Variants in SVEP1 observed in about 807,000 individuals in gnomAD.
The protein encoded by SVEP1 is sushi, von Willebrand factor type A, EGF and pentraxin domain containing 1, also known as sushi, von Willebrand factor type A, EGF and pentraxin domain-containing protein 1.
Under a neutral mutation model 367.3 loss-of-function variants are expected in SVEP1, and 164 were observed. The observed-to-expected ratio is 0.45, with a 90% CI of 0.39 to 0.51. SVEP1 has a LOEUF of 0.51. Among genes scored for constraint, SVEP1 ranks in the 20% least tolerant of loss-of-function variants. The pLI is 0.00. For missense variants in SVEP1, 4,117 were observed against 4,425.3 expected (o/e 0.93, Z 1.98); for synonymous variants, 1,666 against 1,611.6 (o/e 1.03, Z -0.81).
intron 1 of SVEP1, among the ~76,000 whole-genome samples, chr9:110,551,470 G>A (rs1216602470): frequency 1.3e-5 from 2 of 152,136 alleles, no homozygotes; most frequent in East Asian, 3.9e-4. Flanking sequence ...TGGAAAGCCA[G>A]CAGTTTGAGA....
intron 1 of SVEP1, among the ~76,000 whole-genome samples, chr9:110,567,716 A>C (rs1189855977): frequency 6.6e-6 from 1 of 152,118 alleles, no homozygotes; most frequent in Non-Finnish European, 1.5e-5. Flanking sequence ...AATGTCACAT[A>C]CCCTTGCTTG....
intron 1 of SVEP1, among the ~76,000 whole-genome samples, chr9:110,575,798 C>T (rs375812858): frequency 2.0e-5 from 3 of 151,166 alleles, no homozygotes; most frequent in African/African-American, 7.3e-5. Context: ...AAGAGAGCCA[C>T]CCCCAGTTAA....
In SVEP1 at chr9:110,476,334, G is replaced by T. The variant is rs1251682606; in HGVS notation, c.2488-19C>A. On this transcript the variant is annotated intron_variant, in intron 13 of 47. Coordinates refer to ENST00000374469, the MANE Select transcript of SVEP1 (RefSeq NM_153366.4). ...ATGGGACCTGCAAGTAAAAAATGAA[G>T]AGGATAAAGTGTAAATCACTTTTCT... The T allele has an allele frequency of 6.4e-7, 1 of 1,571,262 alleles. No homozygotes were observed. The highest frequency in any genetic ancestry group is 1.3e-5 in the African/African-American group (1 of 74,134).
intron 1 of SVEP1, among the ~76,000 whole-genome samples, chr9:110,554,470 A>G (rs548743596): frequency 4.6e-5 from 7 of 152,120 alleles, no homozygotes; most frequent in Non-Finnish European, 1.0e-4. Flanking sequence ...ACTAAAAGGA[A>G]CCAGGAATTG....
At chr9:110,540,518 T>C (rs1453875785) in intron 3 of SVEP1, among the ~76,000 whole-genome samples, 1 of 152,150 alleles carries the variant, frequency 6.6e-6, no homozygotes, top group Non-Finnish European at 1.5e-5. Context: ...AAGAAAAGTA[T>C]TGATATCTGG....
At chr9:110,505,592 C>A (rs1829612282) in intron 5 of SVEP1, among the ~76,000 whole-genome samples, 3 of 152,090 alleles carry the variant, frequency 2.0e-5, no homozygotes. Context: ...ATTGTCTTCC[C>A]AGATCATTCT....
Position 110,366,396 on chromosome 9 carries a change from T to C in SVEP1, c.*143A>G. On this transcript the variant is annotated 3_prime_UTR_variant, in exon 48 of 48. Transcript: ENST00000374469. ...AGGAATAACAAAATATATCACAAAA[T>C]AAAAAAAGTAACCCCAAGTAACAAG... 1 of 724,746 alleles carries C rather than the reference T, an allele frequency of 1.4e-6. No individual in the cohort carries two copies. The highest frequency in any genetic ancestry group is 2.0e-6 in the Non-Finnish European group (1 of 497,086). The allele number at this position is 724,746 out of a possible 1,614,324, so 44.9% of individuals were successfully genotyped here. A position where few individuals can be genotyped will look rare whatever the true frequency, so the allele number is the denominator to read the frequency against.
At chr9:110,569,897 A>T (rs1462004286) in intron 1 of SVEP1, among the ~76,000 whole-genome samples, 2 of 152,218 alleles carry the variant, frequency 1.3e-5, no homozygotes, top group Non-Finnish European at 2.9e-5. Context: ...TTCTTGAATG[A>T]CTCTATGAGA....
chr9:110,375,283 T>G lies in SVEP1; in HGVS notation c.10600+85A>C. 3 of 670,450 alleles carry G rather than the reference T, an allele frequency of 4.5e-6. No individual in the cohort carries two copies. In the South Asian group the frequency reaches 7.9e-5, roughly 18 times the overall value. 41.5% of individuals were successfully genotyped at this position (670,450 alleles called of 1,614,324 possible). A position where few individuals can be genotyped will look rare whatever the true frequency, so the allele number is the denominator to read the frequency against. ...AGTACTTTTTCATTTTGCCACCACTTCTGAGTCTAAGTCACACTCTTCAAT... is the reference window on the plus strand; with the variant it reads ...AGTACTTTTTCATTTTGCCACCACTGCTGAGTCTAAGTCACACTCTTCAAT... On this transcript the variant is annotated intron_variant, in intron 46 of 47. Coordinates refer to ENST00000374469, the MANE Select transcript of SVEP1 (RefSeq NM_153366.4).
chr9:110,551,618 G>A (rs921009336), intron 1 of SVEP1, among the ~76,000 whole-genome samples: 1 of 152,104 alleles, frequency 6.6e-6, no homozygotes, highest in Non-Finnish European at 1.5e-5. Flanking sequence ...CGTTACTGGA[G>A]ACATTCCCCA....
chr9:110,395,653 G>A (rs1827746592), intron 40 of SVEP1, among the ~76,000 whole-genome samples: 1 of 151,760 alleles, frequency 6.6e-6, no homozygotes, highest in South Asian at 2.1e-4. Context: ...AAAGGATGGA[G>A]GAAGATCTAC....
intron 5 of SVEP1, among the ~76,000 whole-genome samples, chr9:110,505,363 T>C (rs2118759860): frequency 6.6e-6 from 1 of 152,318 alleles, no homozygotes; most frequent in South Asian, 2.1e-4. Context: ...GCTCTATAGT[T>C]ATCCCTCATC....
chr9:110,505,217 AT>A (rs1829605936), intron 5 of SVEP1, among the ~76,000 whole-genome samples: 1 of 152,040 alleles, frequency 6.6e-6, no homozygotes, highest in Non-Finnish European at 1.5e-5. Context: ...TTCCCCAACG[AT>A]GTCTGTGTTC....
intron 32 of SVEP1, among the ~76,000 whole-genome samples, chr9:110,430,730 T>G (rs1484243397): frequency 6.6e-6 from 1 of 152,216 alleles, no homozygotes. Context: ...AAAGTAGTGG[T>G]GGTGCTAGAG....
rs1037620760 is a variant in SVEP1 at position 110,496,898 on chromosome 9, T to C, written c.1717A>G (p.Ile573Val). ...EAPQINCPKDIEAKTLEQQDS... is the reference protein window; with the variant it reads ...EAPQINCPKDVEAKTLEQQDS... Reference sequence around the variant, plus strand: ...TGCTGTTCCAGAGTCTTAGCCTCTATGTCCTTAGGACAGTTGATTTGAGGA... The same window carrying C: ...TGCTGTTCCAGAGTCTTAGCCTCTACGTCCTTAGGACAGTTGATTTGAGGA... Residue 573 changes from isoleucine to valine, a missense_variant, in exon 8 of 48, where the codon ATA becomes GTA. Transcript: ENST00000374469. The C allele has an allele frequency of 3.2e-5, 50 of 1,554,550 alleles. No individual in the cohort carries two copies. Among genetic ancestry groups the C allele is most frequent in the Non-Finnish European group, 4.3e-5 (49 of 1,147,924 alleles).
intron 21 of SVEP1, among the ~76,000 whole-genome samples, chr9:110,456,632 G>GA (rs1447087023): frequency 6.6e-6 from 1 of 151,802 alleles, no homozygotes; most frequent in East Asian, 1.9e-4. Flanking sequence ...GTATAACATT[G>GA]AAAAAAACTG....
At chr9:110,542,830 G>T (rs1158252642) in intron 3 of SVEP1, among the ~76,000 whole-genome samples, 1 of 123,674 alleles carries the variant, frequency 8.1e-6, no homozygotes, top group Non-Finnish European at 1.6e-5. Flanking sequence ...TTTGGGGAGG[G>T]GGGAGGGATA....
Position 110,407,614 on chromosome 9 carries a change from T to A in SVEP1, c.7986A>T (p.Glu2662Asp), listed in dbSNP as rs1827975797. 1.2e-6 allele frequency: 2 copies of A among 1,613,882 alleles called. No individual in the cohort carries two copies. Among genetic ancestry groups the A allele is most frequent in the South Asian group, 2.2e-5 (2 of 91,082 alleles). Reference sequence around the variant, plus strand: ...GTGTAGCAGGAGACTCCTTTGTATTTTCCCAGGTTTTAGCCACTGCTCCCA... The same window carrying A: ...GTGTAGCAGGAGACTCCTTTGTATTATCCCAGGTTTTAGCCACTGCTCCCA... ...YHLGAVAKTWENTKESPATHS... is the reference protein window; with the variant it reads ...YHLGAVAKTWDNTKESPATHS... Residue 2662 changes from glutamate to aspartate, a missense_variant, in exon 38 of 48, where the codon GAA becomes GAT. Around this residue, in one of 4 missense-constraint regions of SVEP1, gnomAD observed 1,765 missense variants for 1,781.1 expected, o/e 0.99. Coordinates refer to ENST00000374469, the MANE Select transcript of SVEP1 (RefSeq NM_153366.4).
intron 40 of SVEP1, among the ~76,000 whole-genome samples, chr9:110,390,986 CAAATCATTT>C (rs1462691439): frequency 6.6e-6 from 1 of 152,082 alleles, no homozygotes; most frequent in East Asian, 1.9e-4. Flanking sequence ...TTCTAGACTT[CAAATCATTT>C]AACAATAATT....
Sources: allele counts gnomAD v4.1 joint callset (sites outside exome capture counted in the v4.1 genomes callset), GRCh38; gene constraint gnomAD v4.1.1; regional missense constraint gnomAD v4.1.1; transcripts MANE v1.5; gene names NCBI Gene and HGNC (gene_info 2026-07-23, HGNC 2026-07-21).